Variants in NCAM2 observed in about 807,000 individuals in gnomAD.
NCAM2 encodes the protein neural cell adhesion molecule 2, also known as N-CAM-2.
A neutral mutation model predicts 98.1 loss-of-function variants in NCAM2; 30 were observed. The observed-to-expected ratio is 0.31, with a 90% CI of 0.23 to 0.41. NCAM2 has a LOEUF of 0.41. Among genes scored for constraint, NCAM2 ranks in the 10% least tolerant of loss-of-function variants. NCAM2 has a pLI of 1.00. For missense variants in NCAM2, 867 were observed against 1,005.8 expected (o/e 0.86, Z 1.87); for synonymous variants, 368 against 342.4 (o/e 1.07, Z -0.83).
chr21:21,295,368 C>G (rs1294151047), intron 5 of NCAM2, among the ~76,000 whole-genome samples: 2 of 151,790 alleles, frequency 1.3e-5, no homozygotes, highest in Non-Finnish European at 2.9e-5. Context: ...CTGTGACTTT[C>G]TTAATGTGTT....
intron 9 of NCAM2, among the ~76,000 whole-genome samples, chr21:21,393,606 T>G (rs545778384): frequency 2.6e-5 from 4 of 152,176 alleles, no homozygotes; most frequent in African/African-American, 9.6e-5. Context: ...GCAGGTTTGT[T>G]TTGAAAGGCA....
At position 21,168,379 on chromosome 21, in the gene NCAM2, G is replaced by A. The variant is rs183834162; in HGVS notation, c.56-112199G>A. Among the ~76,000 whole-genome samples, 8 of 152,136 alleles carry A rather than the reference G, an allele frequency of 5.3e-5. No homozygotes were observed. In the East Asian group the frequency reaches 1.6e-3, roughly 29 times the overall value. On this transcript the variant is annotated intron_variant, in intron 1 of 17. Transcript: ENST00000400546. ...AATTAGAGCCTTCCCATTAAGATTC[G>A]GGAGTAAGCTCAGGATACCCCTTCT...
At chr21:21,100,466 G>GC (rs774245982) in intron 1 of NCAM2, among the ~76,000 whole-genome samples, 2 of 152,062 alleles carry the variant, frequency 1.3e-5, no homozygotes, top group South Asian at 4.1e-4. Context: ...GGTGGTGGTT[G>GC]CCCCAGAAAA....
At chr21:21,197,063 A>G (rs753771417) in intron 1 of NCAM2, among the ~76,000 whole-genome samples, 1 of 152,096 alleles carries the variant, frequency 6.6e-6, no homozygotes, top group Non-Finnish European at 1.5e-5. Context: ...AGAAACCACT[A>G]TGCTTCCCAT....
chr21:21,399,250 T>G (rs567458625), intron 9 of NCAM2, among the ~76,000 whole-genome samples: 2 of 152,344 alleles, frequency 1.3e-5, no homozygotes, highest in East Asian at 3.9e-4. Flanking sequence ...CGTTATTAAA[T>G]TATTCTAGCC....
chr21:21,069,164 C>G (rs1173176136), intron 1 of NCAM2, among the ~76,000 whole-genome samples: 3 of 152,066 alleles, frequency 2.0e-5, no homozygotes, highest in African/African-American at 7.2e-5. Flanking sequence ...TGTGTTATGT[C>G]CCCATGTAAA....
chr21:21,291,001 A>T (rs232382), intron 4 of NCAM2, among the ~76,000 whole-genome samples: 151,879 of 151,880 alleles, frequency 1, 75,939 homozygotes, highest in Non-Finnish European at 1. Flanking sequence ...CTAACCTCAT[A>T]ATCAAGCCAC....
chr21:21,198,244 C>T (rs1209786831), intron 1 of NCAM2, among the ~76,000 whole-genome samples: 1 of 145,518 alleles, frequency 6.9e-6, no homozygotes, highest in African/African-American at 2.6e-5. Flanking sequence ...ATTTGGTGAT[C>T]TGTCCTTTCT....
At chr21:21,147,205 C>T (rs1051156468) in intron 1 of NCAM2, 1 of 985,344 alleles carries the variant, frequency 1.0e-6, no homozygotes, top group African/African-American at 1.7e-5. Context: ...GCACATGGAA[C>T]TCTGCCTCCG....
rs150700198 is a variant in NCAM2, at chr21:21,367,920, G to A, written c.1045-5943G>A. On this transcript the variant is annotated intron_variant, in intron 8 of 17. Coordinates refer to ENST00000400546, the MANE Select transcript of NCAM2 (RefSeq NM_004540.5). The stretch of plus-strand genomic sequence containing the variant: ...TATATTACATTAAAGTAGGTAGGAT[G>A]CCTGTGCAATAATATAAATACTCAG... Among the ~76,000 whole-genome samples, 417 of 151,968 alleles carry A rather than the reference G, an allele frequency of 2.7e-3. 3 individuals carry two copies. Among genetic ancestry groups the A allele is most frequent in the African/African-American group, 9.6e-3 (397 of 41,494 alleles).
chr21:21,206,567 G>A (rs747062116), intron 1 of NCAM2, among the ~76,000 whole-genome samples: 2 of 152,074 alleles, frequency 1.3e-5, no homozygotes, highest in Non-Finnish European at 1.5e-5. Context: ...ATAAATTCAT[G>A]GGGCAAAACA....
At chr21:21,073,459 G>C (rs7279555) in intron 1 of NCAM2, among the ~76,000 whole-genome samples, 34,933 of 152,004 alleles carry the variant, frequency 0.23, 4,760 homozygotes, top group African/African-American at 0.37. Context: ...ATTTATAAAG[G>C]CATATATGAC....
rs202018731 is a variant in NCAM2 at position 21,106,314 on chromosome 21, C to CAAA, written c.55+107709_55+107711dup. 7.2e-4 allele frequency among the ~76,000 whole-genome samples: 75 copies of CAAA among 103,474 alleles called. 2 individuals are homozygous for CAAA. Among genetic ancestry groups the CAAA allele is most frequent in the African/African-American group, 3.1e-3 (70 of 22,324 alleles). The allele number at this position is 103,474 out of a possible 152,430, so 67.9% of individuals were successfully genotyped here. Reference sequence around the variant, plus strand: ...CAGAATGAGAGACATGTCTCAAAAGCAAAAAAAAAAAAAAAGGAACAGCCA... The same window carrying CAAA: ...CAGAATGAGAGACATGTCTCAAAAGCAAAAAAAAAAAAAAAAAAGGAACAGCCA... On this transcript the variant is annotated intron_variant, in intron 1 of 17. Coordinates refer to ENST00000400546, the MANE Select transcript of NCAM2 (RefSeq NM_004540.5).
chr21:21,115,012 G>A (rs958826850), intron 1 of NCAM2, among the ~76,000 whole-genome samples: 1 of 151,858 alleles, frequency 6.6e-6, no homozygotes, highest in Non-Finnish European at 1.5e-5. Context: ...GTAGAGACGG[G>A]GTTTCACCAT....
chr21:21,024,495 T>TA (rs1409627091), intron 1 of NCAM2, among the ~76,000 whole-genome samples: 2 of 152,194 alleles, frequency 1.3e-5, no homozygotes, highest in East Asian at 1.9e-4. Context: ...CTTAAAGGTA[T>TA]AAATGACTTC....
chr21:21,522,156 C>T (rs1159139344), intron 16 of NCAM2, among the ~76,000 whole-genome samples: 1 of 146,482 alleles, frequency 6.8e-6, no homozygotes, highest in East Asian at 2.0e-4. Flanking sequence ...TGAATGAATA[C>T]TATATATATG....
intron 1 of NCAM2, among the ~76,000 whole-genome samples, chr21:21,157,540 C>A (rs1441305291): frequency 6.6e-6 from 1 of 152,040 alleles, no homozygotes; most frequent in Non-Finnish European, 1.5e-5. Context: ...AATCATATAT[C>A]ATCATCTTTG....
chr21:21,293,660 G>A (rs2073374891), intron 5 of NCAM2, among the ~76,000 whole-genome samples: 1 of 151,742 alleles, frequency 6.6e-6, no homozygotes. Context: ...GGAGATGTCT[G>A]TATCTAACCT....
chr21:21,291,295 A>G (rs1422930081), intron 4 of NCAM2, among the ~76,000 whole-genome samples: 5 of 152,008 alleles, frequency 3.3e-5, no homozygotes, highest in African/African-American at 4.8e-5. Flanking sequence ...CATTCTTTGA[A>G]TGATAAGGAG....
Sources: allele counts gnomAD v4.1 joint callset (sites outside exome capture counted in the v4.1 genomes callset), GRCh38; gene constraint gnomAD v4.1.1; transcripts MANE v1.5; gene names NCBI Gene and HGNC (gene_info 2026-07-23, HGNC 2026-07-21).